Variants in XPR1 observed in about 807,000 individuals in gnomAD.
XPR1 encodes the protein xenotropic and polytropic retrovirus receptor 1, also known as solute carrier family 53 member 1.
In XPR1, 28 loss-of-function variants were observed where a neutral mutation model predicts 87.5. The observed-to-expected ratio is 0.32, with a 90% CI of 0.24 to 0.44. The LOEUF (loss-of-function observed/expected upper bound fraction) is 0.44, where lower values mean the gene tolerates loss of function less well. XPR1 is among the 20% of genes least tolerant of loss of function. XPR1 has a pLI of 1.00. For synonymous variants in XPR1, 300 were observed against 306.1 expected (o/e 0.98, Z 0.21); for missense variants, 559 against 862.3 (o/e 0.65, Z 4.41).
In XPR1 at chr1:180,711,921, C is replaced by G. The variant is rs188007039; in HGVS notation, c.121+29510C>G. Among the ~76,000 whole-genome samples, 247 of 152,210 alleles carry G rather than the reference C, an allele frequency of 1.6e-3. 1 individual carries two copies. Among genetic ancestry groups the G allele is most frequent in the African/African-American group, 5.6e-3 (233 of 41,530 alleles). On this transcript the variant is annotated intron_variant, in intron 2 of 14. Transcript: ENST00000367590. The stretch of plus-strand genomic sequence containing the variant: ...TGGAACAAAATTCATTTTTTATATA[C>G]ACATATCAGTTGTTCTAACACCATT...
intron 1 of XPR1, among the ~76,000 whole-genome samples, chr1:180,681,959 A>G (rs571482002): frequency 1.3e-5 from 2 of 152,370 alleles, no homozygotes; most frequent in Admixed American, 1.3e-4. Context: ...TTTATGTTAC[A>G]TGTACCTTAC....
intron 2 of XPR1, among the ~76,000 whole-genome samples, chr1:180,738,121 C>A (rs1011849536): frequency 6.6e-6 from 1 of 152,152 alleles, no homozygotes; most frequent in African/African-American, 2.4e-5. Flanking sequence ...AAGTGATTCT[C>A]CTGCGTCAGC....
At chr1:180,753,543 G>C (rs1009407575) in intron 2 of XPR1, among the ~76,000 whole-genome samples, 1 of 149,598 alleles carries the variant, frequency 6.7e-6, no homozygotes, top group Non-Finnish European at 1.5e-5. Flanking sequence ...AACAGAGTCA[G>C]ACCCTGTCTT....
At chr1:180,764,798 T>TC (rs1648208689) in intron 2 of XPR1, among the ~76,000 whole-genome samples, 1 of 148,308 alleles carries the variant, frequency 6.7e-6, no homozygotes, top group African/African-American at 2.5e-5. Flanking sequence ...CTTTTTTTTT[T>TC]TTTTTGAGAC....
intron 1 of XPR1, among the ~76,000 whole-genome samples, chr1:180,674,169 A>G (rs1169420601): frequency 6.6e-6 from 1 of 152,246 alleles, no homozygotes; most frequent in East Asian, 1.9e-4. Context: ...GGTATGTGCC[A>G]TCACTATTCC....
intron 1 of XPR1, among the ~76,000 whole-genome samples, chr1:180,674,659 G>A (rs1571710082): frequency 1.3e-5 from 2 of 152,100 alleles, no homozygotes; most frequent in South Asian, 4.2e-4. Flanking sequence ...CTCCTTAGAA[G>A]CTGGGCCTTC....
chr1:180,774,782 T>TA (rs1230679940), intron 2 of XPR1, among the ~76,000 whole-genome samples: 6 of 152,186 alleles, frequency 3.9e-5, no homozygotes, highest in Non-Finnish European at 7.3e-5. Context: ...CTATATGTCT[T>TA]AGTCCATCCT....
In XPR1 at chr1:180,845,556, A is replaced by T. The variant is rs541523468; in HGVS notation, c.1501+8840A>T. ...TTTTCACAGATGGTCTTGCTCTGTCACCCAGGCTGGAGTGCAGTGAGTAGC... is the reference window on the plus strand; with the variant it reads ...TTTTCACAGATGGTCTTGCTCTGTCTCCCAGGCTGGAGTGCAGTGAGTAGC... On this transcript the variant is annotated intron_variant, in intron 11 of 14. Transcript: ENST00000367590. Among the ~76,000 whole-genome samples the T allele has an allele frequency of 4.6e-5, 7 of 152,254 alleles. No individual in the cohort carries two copies. In the South Asian group the frequency reaches 1.4e-3, roughly 32 times the overall value.
intron 2 of XPR1, among the ~76,000 whole-genome samples, chr1:180,785,970 A>G (rs926562974): frequency 1.8e-4 from 28 of 151,430 alleles, no homozygotes; most frequent in African/African-American, 6.8e-4. Flanking sequence ...CAAGGGAAAA[A>G]GAAAAAGAGA....
intron 2 of XPR1, among the ~76,000 whole-genome samples, chr1:180,711,534 G>A (rs1657795653): frequency 6.6e-6 from 1 of 152,142 alleles, no homozygotes; most frequent in Non-Finnish European, 1.5e-5. Context: ...GAATGAGGCA[G>A]GGAGGTTGCA....
At chr1:180,762,239 T>A (rs1490981317) in intron 2 of XPR1, among the ~76,000 whole-genome samples, 2 of 152,076 alleles carry the variant, frequency 1.3e-5, no homozygotes, top group East Asian at 3.9e-4. Context: ...ACCTGCACAT[T>A]GGGCACATGT....
At chr1:180,796,968 G>A (rs776487105) in intron 3 of XPR1, among the ~76,000 whole-genome samples, 5 of 152,146 alleles carry the variant, frequency 3.3e-5, no homozygotes, top group Non-Finnish European at 5.9e-5. Flanking sequence ...AGGCAAATCA[G>A]CAGAGACAGA....
intron 2 of XPR1, among the ~76,000 whole-genome samples, chr1:180,707,414 C>T (rs1299134544): frequency 6.6e-6 from 1 of 152,204 alleles, no homozygotes; most frequent in African/African-American, 2.4e-5. Flanking sequence ...TTAGCTTCCA[C>T]TTATAAGTGA....
At chr1:180,704,550 A>G (rs1366431162) in intron 2 of XPR1, among the ~76,000 whole-genome samples, 1 of 151,282 alleles carries the variant, frequency 6.6e-6, no homozygotes, top group African/African-American at 2.4e-5. Flanking sequence ...TGACCAGTGA[A>G]ACATTTTAAG....
chr1:180,686,256 T>C (rs956438349), intron 2 of XPR1, among the ~76,000 whole-genome samples: 8 of 152,220 alleles, frequency 5.3e-5, no homozygotes, highest in Non-Finnish European at 1.0e-4. Flanking sequence ...CCAGTAGTCA[T>C]TCAGGAGCAG....
At chr1:180,634,235 A>G (rs1462662869) in intron 1 of XPR1, among the ~76,000 whole-genome samples, 2 of 152,200 alleles carry the variant, frequency 1.3e-5, no homozygotes, top group Non-Finnish European at 1.5e-5. Flanking sequence ...CAGGGCAGTT[A>G]TAAATTATGT....
chr1:180,717,884 T>A (rs1192905804), intron 2 of XPR1, among the ~76,000 whole-genome samples: 1 of 152,132 alleles, frequency 6.6e-6, no homozygotes, highest in Non-Finnish European at 1.5e-5. Flanking sequence ...GTGTTTTTTG[T>A]CATTGAAAGT....
intron 2 of XPR1, among the ~76,000 whole-genome samples, chr1:180,782,537 AAG>A (rs928581923): frequency 2.0e-5 from 3 of 151,932 alleles, no homozygotes; most frequent in African/African-American, 7.2e-5. Flanking sequence ...GAGAGAGAGA[AAG>A]AGAGAGAACA....
At chr1:180,695,450 GCACGCGCGCGCTT>G (rs1349068110) in intron 2 of XPR1, among the ~76,000 whole-genome samples, 4 of 141,878 alleles carry the variant, frequency 2.8e-5, no homozygotes, top group Non-Finnish European at 6.1e-5. Context: ...GTATGCGCGC[GCACGCGCGCGCTT>G]TTGTTGCCTG....
Sources: gnomAD v4.1 joint callset for allele counts (sites outside exome capture counted in the v4.1 genomes callset) on GRCh38, gnomAD v4.1.1 for gene constraint, MANE v1.5 for transcripts, NCBI Gene and HGNC (gene_info 2026-07-23, HGNC 2026-07-21) for gene names.